The following AIG1 variants were observed in gnomAD, a reference collection of about 807,000 sequenced individuals.
The protein encoded by AIG1 is androgen induced 1, also known as androgen-induced gene 1 protein.
AIG1 carries 23 observed loss-of-function variants against 31.4 expected under a neutral mutation model. That is an observed-to-expected ratio of 0.73 (90% CI 0.53 to 1.04). The LOEUF is 1.04. Among genes scored for constraint, AIG1 ranks in the 50% least tolerant of loss-of-function variants. The pLI, the probability that AIG1 is intolerant of heterozygous loss-of-function variation, is 0.00. For synonymous variants in AIG1, 100 were observed against 110.5 expected, an observed-to-expected ratio of 0.90 and a Z score of 0.60; for missense variants, 274 against 295.0, an observed-to-expected ratio of 0.93 and a Z score of 0.52.
chr6:143,302,963 C>G (rs1006851480), intron 4 of AIG1, among the ~76,000 whole-genome samples: 2 of 152,120 alleles, frequency 1.3e-5, no homozygotes, highest in African/African-American at 4.8e-5. Context: ...ATTTGCATTT[C>G]TCTGATGGCC....
chr6:143,245,493 C>T (rs1732153365), intron 3 of AIG1, among the ~76,000 whole-genome samples: 1 of 152,116 alleles, frequency 6.6e-6, no homozygotes, highest in Non-Finnish European at 1.5e-5. Context: ...AATTCAGAAA[C>T]TGAAATGTTT....
In AIG1 at chr6:143,326,078, T is replaced by C. The variant is rs1776587535; in HGVS notation, c.516-7204T>C. Reference sequence around the variant, plus strand: ...TCTAAGTGTTCTTAAATCTTTCAGCTAATTTTCATTGCCAATGCTATTGTT... The same window carrying C: ...TCTAAGTGTTCTTAAATCTTTCAGCCAATTTTCATTGCCAATGCTATTGTT... On this transcript the variant is annotated intron_variant, in intron 4 of 5. Transcript: ENST00000357847. The surrounding 1 kb of genome is among the most constrained non-coding windows in gnomAD (Gnocchi z 4.5). Among the ~76,000 whole-genome samples, 1 of 152,258 alleles carries C rather than the reference T, an allele frequency of 6.6e-6. No homozygotes were observed. The highest frequency in any genetic ancestry group is 6.5e-5 in the Admixed American group (1 of 15,288).
chr6:143,067,972 C>T (rs1035113454), intron 1 of AIG1, among the ~76,000 whole-genome samples: 2 of 152,100 alleles, frequency 1.3e-5, no homozygotes, highest in Non-Finnish European at 2.9e-5. Context: ...TAATGCTTTG[C>T]ATAGAATCCT....
chr6:143,204,236 T>C (rs1315596386), intron 3 of AIG1, among the ~76,000 whole-genome samples: 5 of 152,162 alleles, frequency 3.3e-5, no homozygotes. Context: ...AGCAGGATGA[T>C]TCTTCTGTTC....
chr6:143,234,254 A>T (rs1045096843), intron 3 of AIG1, among the ~76,000 whole-genome samples: 5 of 152,316 alleles, frequency 3.3e-5, no homozygotes, highest in Admixed American at 2.6e-4. Context: ...AAGGTAAAAG[A>T]TTTCTTTTTA....
At chr6:143,134,371 A>G (rs1478107403) in intron 1 of AIG1, among the ~76,000 whole-genome samples, 4 of 136,376 alleles carry the variant, frequency 2.9e-5, no homozygotes, top group Non-Finnish European at 6.4e-5. Context: ...ATTGATTTTA[A>G]TTGTCAGAAT....
intron 2 of AIG1, among the ~76,000 whole-genome samples, chr6:143,157,357 T>C (rs921567205): frequency 1.3e-5 from 2 of 151,936 alleles, no homozygotes; most frequent in Non-Finnish European, 2.9e-5. Context: ...ATCCGCAGAG[T>C]GCTCTGATTC....
At chr6:143,285,555 C>T (rs1050292345) in intron 4 of AIG1, among the ~76,000 whole-genome samples, 9 of 151,368 alleles carry the variant, frequency 5.9e-5, no homozygotes, top group East Asian at 2.0e-4. Context: ...CCCACCTACT[C>T]GGGAGGCTGA....
rs371117710 is a variant in AIG1 at position 143,299,062 on chromosome 6, A to C, written c.515+14837A>C. 5 of 152,324 alleles carry C rather than the reference A, an allele frequency of 3.3e-5. No homozygotes were observed. The East Asian group carries it at 9.6e-4, about 29-fold the overall frequency. The allele number at this position is 152,324 out of a possible 1,614,324, so 9.4% of individuals were successfully genotyped here. On this transcript the variant is annotated intron_variant, in intron 4 of 5. Coordinates refer to ENST00000357847, the MANE Select transcript of AIG1 (RefSeq NM_016108.4). This position sits in a 1 kb window ranked among gnomAD's most constrained non-coding sequence, Gnocchi z 4.1. ...ACATGGAAGTGCTATCTTGAGTGCCACTGCTTTCATACCTGAGGAGGATGG... is the reference window on the plus strand; with the variant it reads ...ACATGGAAGTGCTATCTTGAGTGCCCCTGCTTTCATACCTGAGGAGGATGG...
chr6:143,210,582 C>G (rs1317146230), intron 3 of AIG1, among the ~76,000 whole-genome samples: 1 of 152,032 alleles, frequency 6.6e-6, no homozygotes, highest in East Asian at 1.9e-4. Context: ...TTGAAAGAGC[C>G]CTGTGATGCT....
At chr6:143,274,813 C>T (rs1380088385) in intron 3 of AIG1, among the ~76,000 whole-genome samples, 1 of 152,166 alleles carries the variant, frequency 6.6e-6, no homozygotes, top group Non-Finnish European at 1.5e-5. Flanking sequence ...GACAAGTGAA[C>T]CCCTCTGTTC....
chr6:143,290,819 G>A (rs1562562122), intron 4 of AIG1, among the ~76,000 whole-genome samples: 1 of 152,146 alleles, frequency 6.6e-6, no homozygotes, highest in African/African-American at 2.4e-5. Flanking sequence ...GTAACAATAA[G>A]TATCTCACAT....
chr6:143,129,663 CCT>C (rs1480053690), intron 1 of AIG1, among the ~76,000 whole-genome samples: 17 of 152,064 alleles, frequency 1.1e-4, no homozygotes, highest in African/African-American at 3.9e-4. Flanking sequence ...TCTGTTTTTC[CCT>C]TTTTTTCATG....
At position 143,084,160 on chromosome 6, in the gene AIG1, C is replaced by T. The variant is rs1170325689; in HGVS notation, c.141+23094C>T. On this transcript the variant is annotated intron_variant, in intron 1 of 5. Coordinates refer to ENST00000357847, the MANE Select transcript of AIG1 (RefSeq NM_016108.4). ...CTGGCCCTCAATGGTCAAGCATACC[C>T]GAGGCTCTGTGACGGTGATGGTATG... Among the ~76,000 whole-genome samples, 4 of 152,178 alleles carry T rather than the reference C, an allele frequency of 2.6e-5. No homozygotes were observed. The East Asian group carries it at 5.8e-4, about 22-fold the overall frequency.
intron 3 of AIG1, among the ~76,000 whole-genome samples, chr6:143,170,010 G>T (rs893050919): frequency 3.3e-5 from 5 of 151,964 alleles, no homozygotes; most frequent in South Asian, 2.1e-4. Context: ...GAGGATTTTT[G>T]CATCTATGCT....
intron 3 of AIG1, among the ~76,000 whole-genome samples, chr6:143,252,500 G>A (rs558273938): frequency 6.6e-6 from 1 of 152,262 alleles, no homozygotes; most frequent in Admixed American, 6.5e-5. Flanking sequence ...TGAGGATGGG[G>A]GGAGGCCAAG....
intron 2 of AIG1, among the ~76,000 whole-genome samples, chr6:143,139,003 T>C (rs961367338): frequency 1.3e-5 from 2 of 152,126 alleles, no homozygotes; most frequent in Non-Finnish European, 2.9e-5. Context: ...TTTTGACTTA[T>C]GTTGTAAATT....
intron 4 of AIG1, among the ~76,000 whole-genome samples, chr6:143,302,228 TTATTATTA>T (rs1798879226): frequency 6.6e-6 from 1 of 151,770 alleles, no homozygotes; most frequent in Non-Finnish European, 1.5e-5. Flanking sequence ...TAATTTAATT[TTATTATTA>T]TTATACTTTA....
intron 2 of AIG1, among the ~76,000 whole-genome samples, chr6:143,152,577 G>A (rs866572503): frequency 6.6e-6 from 1 of 152,156 alleles, no homozygotes; most frequent in East Asian, 1.9e-4. Flanking sequence ...TTGACAGAGC[G>A]TGAAAGAAGC....
Sources: allele counts gnomAD v4.1 joint callset (sites outside exome capture counted in the v4.1 genomes callset), GRCh38; gene constraint gnomAD v4.1.1; non-coding constraint Gnocchi (gnomAD v3.1); transcripts MANE v1.5; gene names NCBI Gene and HGNC (gene_info 2026-07-23, HGNC 2026-07-21).